SNTG2: variants seen among roughly 807,000 people sequenced by gnomAD.
SNTG2 encodes syntrophin gamma 2.
SNTG2 carries 74 observed loss-of-function variants against 70.9 expected under a neutral mutation model. The ratio of observed to expected loss-of-function variants is 1.04; its 90% CI spans 0.86 to 1.27. SNTG2 has a LOEUF of 1.27. Ranked by LOEUF, SNTG2 falls within the 50% of genes most tolerant of loss-of-function variation. The pLI is 0.00. For missense variants in SNTG2, 717 were observed against 690.7 expected (o/e 1.04, Z -0.43); for synonymous variants, 278 against 273.8 (o/e 1.02, Z -0.15).
At chr2:1,202,515 GA>G (rs1316128894) in intron 8 of SNTG2, among the ~76,000 whole-genome samples, 1 of 151,902 alleles carries the variant, frequency 6.6e-6, no homozygotes, top group African/African-American at 2.4e-5. Context: ...CAACAGAGTA[GA>G]AAAAATCCAG....
chr2:1,109,906 C>T (rs577928072), intron 4 of SNTG2, among the ~76,000 whole-genome samples: 25 of 152,104 alleles, frequency 1.6e-4, no homozygotes, highest in Non-Finnish European at 2.8e-4. Context: ...AAGACGAACG[C>T]GAACCTTCAG....
At chr2:1,231,446 A>G (rs1025636366) in intron 9 of SNTG2, among the ~76,000 whole-genome samples, 1 of 152,232 alleles carries the variant, frequency 6.6e-6, no homozygotes. Flanking sequence ...TACTGCTGCC[A>G]CTATCATATA....
chr2:1,246,005 T>C (rs901852717), intron 11 of SNTG2, among the ~76,000 whole-genome samples: 8 of 152,156 alleles, frequency 5.3e-5, no homozygotes, highest in Non-Finnish European at 8.8e-5. Flanking sequence ...ACTGCAACAT[T>C]AACCCCATAC....
chr2:1,016,303 G>A (rs551823994), intron 1 of SNTG2, among the ~76,000 whole-genome samples: 17 of 152,260 alleles, frequency 1.1e-4, no homozygotes, highest in East Asian at 3.9e-4. Flanking sequence ...GTTCAGTGGC[G>A]TGATCTTGGC....
chr2:1,165,306 C>T lies in SNTG2; in HGVS notation c.412-242C>T, dbSNP rs1413398401. On this transcript the variant is annotated intron_variant, in intron 6 of 16. Transcript: ENST00000308624. ...TCCCTGTGATGTGTTGTGGATGATA[C>T]GGGCAGACCCCTGCTCACTCATGCA... Among the ~76,000 whole-genome samples the T allele has an allele frequency of 3.9e-5, 6 of 151,966 alleles. No individual in the cohort carries two copies. In the East Asian group the frequency reaches 1.2e-3, roughly 30 times the overall value.
At position 977,345 on chromosome 2, in the gene SNTG2, G is replaced by A. The variant is rs557422999; in HGVS notation, c.72+26277G>A. Among the ~76,000 whole-genome samples the A allele has an allele frequency of 2.9e-4, 44 of 152,316 alleles. 1 individual carries two copies. The highest frequency in any genetic ancestry group is 1.0e-3 in the African/African-American group (42 of 41,584). ...CTGCCTGGTAATGTCTGTGAAGGTG[G>A]TCCAGGGAGCAGCGTGAATGGTGGC... On this transcript the variant is annotated intron_variant, in intron 1 of 16. Coordinates refer to ENST00000308624, the MANE Select transcript of SNTG2 (RefSeq NM_018968.4).
intron 9 of SNTG2, among the ~76,000 whole-genome samples, chr2:1,220,653 G>A (rs985515296): frequency 2.0e-5 from 3 of 152,210 alleles, no homozygotes; most frequent in Non-Finnish European, 4.4e-5. Flanking sequence ...AGAAGATTAG[G>A]GTGTTCATGT....
chr2:1,261,993 C>G (rs912956772), intron 13 of SNTG2, among the ~76,000 whole-genome samples: 1 of 152,146 alleles, frequency 6.6e-6, no homozygotes, highest in African/African-American at 2.4e-5. Flanking sequence ...AGTTCTAGAA[C>G]GTGTTCTCCA....
intron 4 of SNTG2, among the ~76,000 whole-genome samples, chr2:1,120,643 G>T (rs114450068): frequency 6.6e-6 from 1 of 152,140 alleles, no homozygotes; most frequent in East Asian, 1.9e-4. Context: ...AAATCAAACT[G>T]GTCACAAGAG....
At chr2:1,229,147 C>T (rs935897538) in intron 9 of SNTG2, among the ~76,000 whole-genome samples, 2 of 152,116 alleles carry the variant, frequency 1.3e-5, no homozygotes, top group Non-Finnish European at 2.9e-5. Context: ...GGGACCGGAG[C>T]GGGTTGCCAC....
intron 1 of SNTG2, among the ~76,000 whole-genome samples, chr2:981,953 C>T (rs1207004145): frequency 6.6e-6 from 1 of 152,226 alleles, no homozygotes; most frequent in Non-Finnish European, 1.5e-5. Context: ...CACACATGTC[C>T]ACACAGATGT....
At chr2:1,027,085 G>A (rs1458205498) in intron 1 of SNTG2, among the ~76,000 whole-genome samples, 1 of 152,110 alleles carries the variant, frequency 6.6e-6, no homozygotes, top group Non-Finnish European at 1.5e-5. Flanking sequence ...TCTGTGTCCC[G>A]TGACTCTTTT....
intron 16 of SNTG2, among the ~76,000 whole-genome samples, chr2:1,340,180 T>C (rs1314133656): frequency 6.6e-6 from 1 of 152,234 alleles, no homozygotes; most frequent in Non-Finnish European, 1.5e-5. Context: ...CTAAATTTAC[T>C]GATTTAGGTA....
intron 8 of SNTG2, among the ~76,000 whole-genome samples, chr2:1,173,467 C>T (rs113879760): frequency 0.014 from 2,204 of 152,354 alleles, 52 homozygotes; most frequent in African/African-American, 0.048. Context: ...TTACATATCA[C>T]CGTGACTGTA....
At chr2:1,057,554 A>G (rs1195870553) in intron 1 of SNTG2, among the ~76,000 whole-genome samples, 1 of 152,118 alleles carries the variant, frequency 6.6e-6, no homozygotes, top group Non-Finnish European at 1.5e-5. Context: ...TAGCCTCTTT[A>G]TGTTTTTCTG....
intron 12 of SNTG2, among the ~76,000 whole-genome samples, chr2:1,252,962 A>G (rs1423030942): frequency 2.0e-5 from 3 of 152,170 alleles, no homozygotes; most frequent in Non-Finnish European, 4.4e-5. Context: ...ACTGGTGGCA[A>G]TTTGCCAGTA....
intron 16 of SNTG2, among the ~76,000 whole-genome samples, chr2:1,357,907 T>C (rs1660935675): frequency 6.6e-6 from 1 of 152,152 alleles, no homozygotes. Flanking sequence ...CTTAGTTATA[T>C]TAGTGAGCTT....
chr2:1,348,744 C>T (rs1045528562), intron 16 of SNTG2, among the ~76,000 whole-genome samples: 19 of 152,156 alleles, frequency 1.2e-4, no homozygotes, highest in African/African-American at 4.6e-4. Context: ...CAGGCCATGG[C>T]CATTCATATT....
At chr2:1,174,923 A>G (rs112114288) in intron 8 of SNTG2, among the ~76,000 whole-genome samples, 5,508 of 152,284 alleles carry the variant, frequency 0.036, 132 homozygotes, top group Non-Finnish European at 0.056. Flanking sequence ...ACTTGGTAAT[A>G]ATATTTTGGT....
Sources: allele counts gnomAD v4.1 joint callset (sites outside exome capture counted in the v4.1 genomes callset), GRCh38; gene constraint gnomAD v4.1.1; transcripts MANE v1.5; gene names NCBI Gene and HGNC (gene_info 2026-07-23, HGNC 2026-07-21).